NLRP14: variants seen among roughly 807,000 people sequenced by gnomAD.
NLRP14 encodes the protein NLR family pyrin domain containing 14, also known as NACHT, LRR and PYD domains-containing protein 14.
NLRP14 carries 105 observed loss-of-function variants against 94.7 expected under a neutral mutation model. The observed-to-expected ratio is 1.11, with a 90% CI of 0.95 to 1.30. The LOEUF (loss-of-function observed/expected upper bound fraction) is 1.30. NLRP14 is among the 50% of genes most tolerant of loss of function. NLRP14 has a pLI of 0.00. For synonymous variants in NLRP14, 508 were observed against 459.9 expected (o/e 1.10, Z -1.34); for missense variants, 1,362 against 1,254.1 (o/e 1.09, Z -1.30).
chr11:7,073,826 T>C (rs1292524021), downstream of NLRP14, among the ~76,000 whole-genome samples: 2 of 152,222 alleles, frequency 1.3e-5, no homozygotes, highest in African/African-American at 4.8e-5. Context: ...TCTAAGCACA[T>C]GGATGTGTTT....
intron 1 of NLRP14, among the ~76,000 whole-genome samples, chr11:7,029,473 C>G (rs1333814355): frequency 2.6e-5 from 4 of 152,322 alleles, no homozygotes; most frequent in Admixed American, 2.6e-4. Context: ...ATAAACGCCT[C>G]TATCCTCTTC....
At chr11:7,089,597 A>AC in the NLRP14 span, 3 of 1,185,998 alleles carry the variant, frequency 2.5e-6, no homozygotes, top group Non-Finnish European at 3.1e-6. Context: ...GGGTCGGCCC[A>AC]CCCCCCAAGA....
chr11:7,055,877 C>T (rs1043902217), intron 6 of NLRP14, among the ~76,000 whole-genome samples: 19 of 151,908 alleles, frequency 1.3e-4, no homozygotes, highest in African/African-American at 4.1e-4. Context: ...GAAATTTTTG[C>T]CAAGGATGTT....
At position 7,046,045 on chromosome 11, in the gene NLRP14, C is replaced by T. The variant is rs1316048282; in HGVS notation, c.1959-623C>T. ...CCTGTTTTATTACCCTTTATTTGTT[C>T]ATGAGTTTATTGATAATATTCCTAA... is the stretch of plus-strand genomic sequence containing the variant. On this transcript the variant is annotated intron_variant, in intron 4 of 11. Coordinates refer to ENST00000299481, the MANE Select transcript of NLRP14 (RefSeq NM_176822.4). Among the ~76,000 whole-genome samples, 3 of 152,036 alleles carry T rather than the reference C, an allele frequency of 2.0e-5. No homozygotes were observed. In the East Asian group the frequency reaches 5.8e-4, roughly 29 times the overall value.
intron 6 of NLRP14, among the ~76,000 whole-genome samples, chr11:7,050,463 T>C (rs1235093090): frequency 3.0e-5 from 3 of 98,438 alleles, no homozygotes; most frequent in Admixed American, 1.0e-4. Context: ...TTAAGAAAGA[T>C]CTTATTTTTC....
At chr11:7,077,398 G>A in the NLRP14 span, among the ~76,000 whole-genome samples, 1 of 152,234 alleles carries the variant, frequency 6.6e-6, no homozygotes, top group Non-Finnish European at 1.5e-5. Flanking sequence ...TCTGGGCCGA[G>A]GTCCCAATCT....
intron 3 of NLRP14, 117 bp from the exon 4 acceptor site, chr11:7,042,271 C>T (rs1589861528): frequency 2.6e-6 from 2 of 771,492 alleles, no homozygotes; most frequent in East Asian, 5.0e-5. Flanking sequence ...TGATTTCAGC[C>T]TATGTTCTTT....
chr11:7,080,173 C>T, the NLRP14 span, among the ~76,000 whole-genome samples: 1 of 152,112 alleles, frequency 6.6e-6, no homozygotes, highest in Non-Finnish European at 1.5e-5. Flanking sequence ...CCTGGGGACC[C>T]CATTTGCAGC....
In NLRP14 at chr11:7,048,459, C is replaced by G. The variant is rs562160261; in HGVS notation, c.2124-1212C>G. Among the ~76,000 whole-genome samples the G allele has an allele frequency of 2.9e-4, 44 of 152,194 alleles. No individual in the cohort carries two copies. In the South Asian group the frequency reaches 3.3e-3, roughly 12 times the overall value. ...TTTGTTGCTTAGTATGAACTGAATG[C>G]TGAACAAATGATAGATCTTTGTTTC... On this transcript the variant is annotated intron_variant, in intron 5 of 11. Coordinates refer to ENST00000299481, the MANE Select transcript of NLRP14 (RefSeq NM_176822.4).
downstream of NLRP14, among the ~76,000 whole-genome samples, chr11:7,072,989 A>G (rs1852824627): frequency 6.6e-6 from 1 of 152,108 alleles, no homozygotes; most frequent in African/African-American, 2.4e-5. Flanking sequence ...TGGCTCAAGA[A>G]TTGCTTGGCA....
intron 1 of NLRP14, among the ~76,000 whole-genome samples, chr11:7,036,636 G>A (rs1171779567): frequency 6.6e-6 from 1 of 152,072 alleles, no homozygotes; most frequent in Admixed American, 6.6e-5. Flanking sequence ...GCTTACAGAT[G>A]GGAAAATTGA....
intron 1 of NLRP14, among the ~76,000 whole-genome samples, chr11:7,024,911 A>G (rs981830766): frequency 1.3e-5 from 2 of 152,196 alleles, no homozygotes; most frequent in African/African-American, 4.8e-5. Flanking sequence ...ATAGAGATGG[A>G]AATCATGAAA....
chr11:7,048,738 C>T (rs547788834), intron 5 of NLRP14, among the ~76,000 whole-genome samples: 14 of 152,176 alleles, frequency 9.2e-5, no homozygotes, highest in East Asian at 7.7e-4. Flanking sequence ...GTCATCAATC[C>T]GGATCTTCAC....
Position 7,042,968 on chromosome 11 carries a change from A to T in NLRP14, c.942A>T (p.Arg314Ser). ...LVTTRLTTSK[R>S]LKQLLKNHHY... is the part of the protein sequence containing the mutation. ...CAACAAGACTCACAACTTCTAAGAG[A>T]CTAAAGCAGTTGTTGAAGAATCACC... Residue 314 changes from arginine (R) to serine (S), a missense_variant, in exon 4 of 12, where the codon AGA becomes AGT. Physicochemically the swap from Arg to Ser is moderately radical, Grantham distance 110. Transcript: ENST00000299481. 1.2e-6 allele frequency: 2 copies of T among 1,614,120 alleles called. No homozygotes were observed. The highest frequency in any genetic ancestry group is 1.7e-6 in the Non-Finnish European group (2 of 1,179,968).
intron 4 of NLRP14, among the ~76,000 whole-genome samples, 173 bp from the exon 5 acceptor site, chr11:7,046,495 T>A (rs938131823): frequency 6.6e-6 from 1 of 152,180 alleles, no homozygotes; most frequent in African/African-American, 2.4e-5. Flanking sequence ...AAATAAGACC[T>A]CTGGAGTGCC....
At chr11:7,061,300 C>A (rs1852616289) in intron 9 of NLRP14, among the ~76,000 whole-genome samples, 1 of 152,050 alleles carries the variant, frequency 6.6e-6, no homozygotes, top group South Asian at 2.1e-4. Flanking sequence ...GATCATTATT[C>A]AACTGGAAGA....
the NLRP14 span, among the ~76,000 whole-genome samples, chr11:7,085,515 A>T: frequency 8.1e-3 from 1,237 of 152,298 alleles, 44 homozygotes; most frequent in East Asian, 0.095. Flanking sequence ...CACCTAGCAT[A>T]ATGTCCTTAA....
Position 7,038,595 on chromosome 11 carries a change from T to TTCA in NLRP14, c.18_20dup (p.Ser8dup), listed in dbSNP as rs748006029. The TTCA allele has an allele frequency of 2.5e-6, 4 of 1,613,832 alleles. No homozygotes were observed. The highest frequency in any genetic ancestry group is 2.5e-6 in the Non-Finnish European group (3 of 1,179,982). Reference sequence around the variant, plus strand: ...CTGAATATTTGGACAAGATGGCAGATTCATCATCATCTTCTTTCTTTCCTG... The same window carrying TTCA: ...CTGAATATTTGGACAAGATGGCAGATTCATCATCATCATCTTCTTTCTTTCCTG... On this transcript the variant is annotated inframe_insertion, in exon 2 of 12. Transcript: ENST00000299481.
intron 6 of NLRP14, among the ~76,000 whole-genome samples, chr11:7,051,184 T>C (rs983176377): frequency 6.6e-6 from 1 of 152,216 alleles, no homozygotes; most frequent in Non-Finnish European, 1.5e-5. Flanking sequence ...AATACAATGC[T>C]TTGGCAAAAG....
Sources: allele counts gnomAD v4.1 joint callset (sites outside exome capture counted in the v4.1 genomes callset), GRCh38; gene constraint gnomAD v4.1.1; transcripts MANE v1.5; gene names NCBI Gene and HGNC (gene_info 2026-07-23, HGNC 2026-07-21).